Variants in CTNND2 observed in about 807,000 individuals in gnomAD.
The protein encoded by CTNND2 is catenin delta-2.
In CTNND2, 22 loss-of-function variants were observed where a neutral mutation model predicts 144.4. That is an observed-to-expected ratio of 0.15 (90% CI 0.11 to 0.22). The LOEUF is 0.22. Among genes scored for constraint, CTNND2 ranks in the 10% least tolerant of loss-of-function variants. The pLI is 1.00. For synonymous variants in CTNND2, 751 were observed against 695.6 expected (o/e 1.08, Z -1.25); for missense variants, 1,353 against 1,618.8 (o/e 0.84, Z 2.82).
intron 16 of CTNND2, among the ~76,000 whole-genome samples, chr5:11,075,537 G>A (rs1748854182): frequency 6.6e-6 from 1 of 152,238 alleles, no homozygotes; most frequent in South Asian, 2.1e-4. Context: ...TGACACGGAG[G>A]ATAGGTCCTT....
rs369719009 is a variant in CTNND2, at chr5:11,136,443, AT to A, written c.2160-18877del. 6.8e-3 allele frequency among the ~76,000 whole-genome samples: 1,039 copies of A among 152,276 alleles called. 8 individuals carry two copies. Among genetic ancestry groups the A allele is most frequent in the Non-Finnish European group, 0.011 (766 of 68,032 alleles). On this transcript the variant is annotated intron_variant, in intron 12 of 21. Coordinates refer to ENST00000304623, the MANE Select transcript of CTNND2 (RefSeq NM_001332.4). ...AGAAGATAAAATGAAAAAGGCAAGA[AT>A]GAAAAAAGGAGATAAAAATGAAATG...
intron 1 of CTNND2, among the ~76,000 whole-genome samples, chr5:11,775,140 C>G (rs6863231): frequency 6.6e-6 from 1 of 152,058 alleles, no homozygotes; most frequent in Admixed American, 6.6e-5. Flanking sequence ...TACCACATTA[C>G]CTTTTAGGAA....
chr5:11,548,559 A>T (rs1775462381), intron 3 of CTNND2, among the ~76,000 whole-genome samples: 1 of 152,218 alleles, frequency 6.6e-6, no homozygotes, highest in African/African-American at 2.4e-5. Flanking sequence ...AAAATAGTCT[A>T]TGATGTAGTT....
At chr5:11,032,598 T>G (rs1054951765) in intron 16 of CTNND2, among the ~76,000 whole-genome samples, 11 of 152,186 alleles carry the variant, frequency 7.2e-5, no homozygotes, top group African/African-American at 2.7e-4. Flanking sequence ...TGTCCGGAGA[T>G]CTCTGACCTC....
At chr5:11,366,719 A>T (rs1460305313) in intron 7 of CTNND2, among the ~76,000 whole-genome samples, 1 of 152,200 alleles carries the variant, frequency 6.6e-6, no homozygotes, top group Non-Finnish European at 1.5e-5. Context: ...ATGCAGAGAT[A>T]AATAAAAGTT....
At chr5:11,502,395 G>T (rs942216502) in intron 3 of CTNND2, among the ~76,000 whole-genome samples, 1 of 152,130 alleles carries the variant, frequency 6.6e-6, no homozygotes, top group Admixed American at 6.5e-5. Context: ...TAATCCTTAC[G>T]ATTTGTACCT....
At chr5:11,778,764 C>T (rs192074646) in intron 1 of CTNND2, among the ~76,000 whole-genome samples, 5 of 152,298 alleles carry the variant, frequency 3.3e-5, no homozygotes, top group Admixed American at 3.3e-4. Context: ...GAATGAACTA[C>T]AGGCTACACT....
chr5:11,791,675 AT>A (rs1241167509), intron 1 of CTNND2, among the ~76,000 whole-genome samples: 1 of 152,192 alleles, frequency 6.6e-6, no homozygotes, highest in African/African-American at 2.4e-5. Flanking sequence ...CTCCAATGTA[AT>A]TTTGCTATGA....
intron 10 of CTNND2, among the ~76,000 whole-genome samples, chr5:11,213,422 A>C (rs578012428): frequency 6.6e-6 from 1 of 152,330 alleles, no homozygotes; most frequent in Non-Finnish European, 1.5e-5. Flanking sequence ...TTTCTATTGA[A>C]CACAAAGAAA....
At chr5:11,798,743 G>A (rs2126882810) in intron 1 of CTNND2, among the ~76,000 whole-genome samples, 1 of 152,246 alleles carries the variant, frequency 6.6e-6, no homozygotes, top group African/African-American at 2.4e-5. Flanking sequence ...CTCTAGCCTG[G>A]GGACAGAGTG....
At chr5:11,525,319 CAT>C (rs1197403380) in intron 3 of CTNND2, among the ~76,000 whole-genome samples, 1 of 152,104 alleles carries the variant, frequency 6.6e-6, no homozygotes, top group African/African-American at 2.4e-5. Context: ...CTTGTCAAAA[CAT>C]GTGATATTTC....
chr5:11,608,378 T>C (rs3906540), intron 2 of CTNND2, among the ~76,000 whole-genome samples: 1,657 of 152,244 alleles, frequency 0.011, 20 homozygotes, highest in South Asian at 0.033. Flanking sequence ...CTTACTAGAC[T>C]TCTCTAAGTT....
chr5:11,725,432 T>C (rs181562991), intron 2 of CTNND2, among the ~76,000 whole-genome samples: 2 of 152,346 alleles, frequency 1.3e-5, no homozygotes, highest in East Asian at 3.9e-4. Flanking sequence ...AATTAATGTA[T>C]AAATTTCCCT....
chr5:11,773,260 G>A (rs181872159), intron 1 of CTNND2, among the ~76,000 whole-genome samples: 2 of 152,132 alleles, frequency 1.3e-5, no homozygotes, highest in Non-Finnish European at 2.9e-5. Context: ...TAAAATCCAG[G>A]TCTTTCAGCT....
chr5:11,224,877 ACT>A (rs1230511299), intron 10 of CTNND2, among the ~76,000 whole-genome samples: 1 of 152,198 alleles, frequency 6.6e-6, no homozygotes, highest in African/African-American at 2.4e-5. Flanking sequence ...TTTTTATGAC[ACT>A]TTCTTTGTTT....
intron 2 of CTNND2, among the ~76,000 whole-genome samples, chr5:11,613,677 T>TTAGA (rs1250452679): frequency 6.6e-6 from 1 of 152,244 alleles, no homozygotes; most frequent in Non-Finnish European, 1.5e-5. Flanking sequence ...GCCCATGGAA[T>TTAGA]TAGAGCCTGT....
At chr5:11,132,287 C>T (rs888097437) in intron 12 of CTNND2, among the ~76,000 whole-genome samples, 4 of 152,190 alleles carry the variant, frequency 2.6e-5, no homozygotes, top group Non-Finnish European at 5.9e-5. Flanking sequence ...CTACCACCTG[C>T]GGGTATCCGG....
intron 18 of CTNND2, among the ~76,000 whole-genome samples, chr5:10,995,036 A>G (rs1384649032): frequency 6.6e-6 from 1 of 152,158 alleles, no homozygotes; most frequent in Admixed American, 6.5e-5. Flanking sequence ...AGGGAGTGGA[A>G]CTAGGACTGC....
intron 9 of CTNND2, among the ~76,000 whole-genome samples, chr5:11,242,036 G>A (rs1742509028): frequency 1.3e-5 from 2 of 152,084 alleles, no homozygotes; most frequent in Admixed American, 1.3e-4. Flanking sequence ...AACAGGGGGA[G>A]TTGGAGCAGG....
Sources: gnomAD v4.1 joint callset for allele counts (sites outside exome capture counted in the v4.1 genomes callset) on GRCh38, gnomAD v4.1.1 for gene constraint, MANE v1.5 for transcripts, NCBI Gene and HGNC (gene_info 2026-07-23, HGNC 2026-07-21) for gene names.